Variants in GAREM1 observed in about 807,000 individuals in gnomAD.
GAREM1 encodes the protein GRB2 associated regulator of MAPK1 subtype 1, also known as GRB2-associated and regulator of MAPK protein 1.
Under a neutral mutation model 71.3 loss-of-function variants are expected in GAREM1, and 26 were observed. The observed-to-expected ratio is 0.36, with a 90% confidence interval of 0.27 to 0.51. The LOEUF (loss-of-function observed/expected upper bound fraction) is 0.51. Among genes scored for constraint, GAREM1 ranks in the 20% least tolerant of loss-of-function variants. The pLI is 0.95. For synonymous variants in GAREM1, 440 were observed against 433.2 expected, an observed-to-expected ratio of 1.02 and a Z score of -0.20; for missense variants, 1,026 against 1,103.1, an observed-to-expected ratio of 0.93 and a Z score of 0.99.
intron 3 of GAREM1, among the ~76,000 whole-genome samples, chr18:32,296,619 C>T (rs1337612915): frequency 6.6e-6 from 1 of 151,752 alleles, no homozygotes; most frequent in Admixed American, 6.6e-5. Context: ...TTATAAATGA[C>T]AGTGCTTGAC....
rs551483071 is a variant in GAREM1, at chr18:32,264,103, T to G, written c.*3768A>C. 2 of 152,300 alleles carry G rather than the reference T, an allele frequency of 1.3e-5. No homozygotes were observed. Among genetic ancestry groups the G allele is most frequent in the Admixed American group, 6.5e-5 (1 of 15,294 alleles). 9.4% of individuals were successfully genotyped at this position (152,300 alleles called of 1,614,324 possible). On this transcript the variant is annotated 3_prime_UTR_variant, in exon 6 of 6. Transcript: ENST00000269209. ...TGATGTAACCATGAGAATCCCGTATTATTACAATCCCACAATCTAAAAACT... is the reference window on the plus strand; with the variant it reads ...TGATGTAACCATGAGAATCCCGTATGATTACAATCCCACAATCTAAAAACT...
chr18:32,372,158 T>G lies in GAREM1; in HGVS notation c.262+20737A>C, dbSNP rs111342039. On this transcript the variant is annotated intron_variant, in intron 2 of 5. Coordinates refer to ENST00000269209, the MANE Select transcript of GAREM1 (RefSeq NM_001242409.2). ...CAACACTGACATTTTGGTGATGATCTTTTCATATATTCTTCTGTGTGTATG... is the reference window on the plus strand; with the variant it reads ...CAACACTGACATTTTGGTGATGATCGTTTCATATATTCTTCTGTGTGTATG... 3.3e-3 allele frequency among the ~76,000 whole-genome samples: 504 copies of G among 152,324 alleles called. 2 individuals are homozygous for G. The highest frequency in any genetic ancestry group is 0.011 in the African/African-American group (475 of 41,572).
In GAREM1 at chr18:32,337,860, G is replaced by A. The variant is rs138525378; in HGVS notation, c.263-27537C>T. Among the ~76,000 whole-genome samples, 7 of 152,216 alleles carry A rather than the reference G, an allele frequency of 4.6e-5. No individual in the cohort carries two copies. The East Asian group carries it at 1.4e-3, about 29-fold the overall frequency. On this transcript the variant is annotated intron_variant, in intron 2 of 5. Transcript: ENST00000269209. ...CAGCCAGTCTGCCACTCGTAACTTG[G>A]ACAGCATTTCTACCTTAACCGGCTC... is the stretch of plus-strand genomic sequence containing the variant.
In GAREM1 at chr18:32,364,028, G is replaced by GTTTTTTTT. The variant is rs1157200391; in HGVS notation, c.262+28859_262+28866dup. On this transcript the variant is annotated intron_variant, in intron 2 of 5. Coordinates refer to ENST00000269209, the MANE Select transcript of GAREM1 (RefSeq NM_001242409.2). ...TATATATATATATATATATATATAT[G>GTTTTTTTT]TTTTTTTTTTTTTTTTTTTTTTGTG... is the stretch of plus-strand genomic sequence containing the variant. Among the ~76,000 whole-genome samples the GTTTTTTTT allele has an allele frequency of 6.0e-4, 13 of 21,674 alleles. 2 individuals are homozygous for GTTTTTTTT. The highest frequency in any genetic ancestry group is 2.2e-3 in the South Asian group (1 of 448). 14.2% of individuals were successfully genotyped at this position (21,674 alleles called of 152,430 possible).
At chr18:32,337,668 T>C (rs756440998) in intron 2 of GAREM1, among the ~76,000 whole-genome samples, 2 of 152,166 alleles carry the variant, frequency 1.3e-5, no homozygotes, top group Non-Finnish European at 2.9e-5. Flanking sequence ...AATGAGTAAG[T>C]GATACGAACT....
chr18:32,450,172 C>A (rs2048822111), intron 1 of GAREM1, among the ~76,000 whole-genome samples: 1 of 152,152 alleles, frequency 6.6e-6, no homozygotes, highest in Non-Finnish European at 1.5e-5. Flanking sequence ...GAGTACTCAG[C>A]AATCAGTATC....
intron 4 of GAREM1, among the ~76,000 whole-genome samples, chr18:32,284,494 G>C (rs1387974291): frequency 6.6e-6 from 1 of 152,196 alleles, no homozygotes; most frequent in East Asian, 1.9e-4. Flanking sequence ...GAAAAAACAA[G>C]TGATGCTAGT....
intron 4 of GAREM1, among the ~76,000 whole-genome samples, chr18:32,280,875 C>A (rs1242191995): frequency 6.6e-6 from 1 of 152,116 alleles, no homozygotes; most frequent in East Asian, 1.9e-4. Context: ...CACTCCCACC[C>A]ACCTTCTGAC....
intron 2 of GAREM1, among the ~76,000 whole-genome samples, chr18:32,349,502 G>A (rs2047727526): frequency 6.6e-6 from 1 of 152,172 alleles, no homozygotes; most frequent in Non-Finnish European, 1.5e-5. Context: ...GAATTCATCT[G>A]ATAAGTTCCA....
At chr18:32,336,240 C>T (rs1026608285) in intron 2 of GAREM1, among the ~76,000 whole-genome samples, 1 of 152,020 alleles carries the variant, frequency 6.6e-6, no homozygotes, top group Non-Finnish European at 1.5e-5. Flanking sequence ...ACCATCCTGG[C>T]TAAAACGGTG....
At chr18:32,288,835 C>G (rs1415394786) in intron 3 of GAREM1, among the ~76,000 whole-genome samples, 1 of 151,944 alleles carries the variant, frequency 6.6e-6, no homozygotes, top group East Asian at 1.9e-4. Context: ...GAGTTTCTAA[C>G]TGTATCCATT....
At chr18:32,275,744 TCTC>T (rs1292915599) in intron 4 of GAREM1, among the ~76,000 whole-genome samples, 1 of 152,204 alleles carries the variant, frequency 6.6e-6, no homozygotes, top group Non-Finnish European at 1.5e-5. Context: ...AATGGCGCGA[TCTC>T]AGCTCACCGC....
At chr18:32,364,013 TATA>T (rs2047897776) in intron 2 of GAREM1, among the ~76,000 whole-genome samples, 3 of 67,890 alleles carry the variant, frequency 4.4e-5, no homozygotes, top group Non-Finnish European at 8.2e-5. Context: ...TATATATATA[TATA>T]TATATATATA....
At chr18:32,396,448 G>A (rs903489439) in intron 1 of GAREM1, among the ~76,000 whole-genome samples, 1 of 152,312 alleles carries the variant, frequency 6.6e-6, no homozygotes, top group Non-Finnish European at 1.5e-5. Context: ...AACCAGTGTA[G>A]AGAAGTCCTT....
Position 32,411,382 on chromosome 18 carries a change from C to T in GAREM1, c.122-18347G>A, listed in dbSNP as rs567424502. On this transcript the variant is annotated intron_variant, in intron 1 of 5. Coordinates refer to ENST00000269209, the MANE Select transcript of GAREM1 (RefSeq NM_001242409.2). The stretch of plus-strand genomic sequence containing the variant: ...CAAATCTGACATAGCTTCCTTTGAA[C>T]TTTATTATGTGATAAATAAAACAAA... 7.1e-4 allele frequency among the ~76,000 whole-genome samples: 108 copies of T among 152,228 alleles called. 1 individual carries two copies. The highest frequency in any genetic ancestry group is 2.9e-4 in the Non-Finnish European group (20 of 68,016).
chr18:32,398,783 T>C (rs534600253), intron 1 of GAREM1, among the ~76,000 whole-genome samples: 22 of 152,010 alleles, frequency 1.4e-4, no homozygotes, highest in African/African-American at 3.6e-4. Flanking sequence ...TTCCAATCAA[T>C]AGAAAAAGAG....
chr18:32,447,447 C>A (rs1029727541), intron 1 of GAREM1, among the ~76,000 whole-genome samples: 1 of 152,082 alleles, frequency 6.6e-6, no homozygotes, highest in African/African-American at 2.4e-5. Flanking sequence ...GGCATACACT[C>A]CTTCTCCTCA....
intron 2 of GAREM1, among the ~76,000 whole-genome samples, chr18:32,345,195 C>A (rs1361748899): frequency 6.6e-6 from 1 of 152,170 alleles, no homozygotes; most frequent in Admixed American, 6.5e-5. Context: ...GCTCTCAATT[C>A]TCCAAAGGAT....
intron 2 of GAREM1, among the ~76,000 whole-genome samples, chr18:32,334,812 T>C (rs1248853190): frequency 6.6e-6 from 1 of 152,194 alleles, no homozygotes; most frequent in Non-Finnish European, 1.5e-5. Flanking sequence ...AATCCCATGA[T>C]TCCATTTCCC....
Sources: allele counts gnomAD v4.1 joint callset (sites outside exome capture counted in the v4.1 genomes callset), GRCh38; gene constraint gnomAD v4.1.1; transcripts MANE v1.5; gene names NCBI Gene and HGNC (gene_info 2026-07-23, HGNC 2026-07-21).